The following GRXCR1 variants were observed in gnomAD, a reference collection of about 807,000 sequenced individuals.
The protein encoded by GRXCR1 is glutaredoxin domain-containing cysteine-rich protein 1.
A neutral mutation model predicts 27.3 loss-of-function variants in GRXCR1; 27 were observed. That is an observed-to-expected ratio of 0.99 (90% CI 0.73 to 1.37). GRXCR1 has a LOEUF of 1.37. Ranked by LOEUF, GRXCR1 falls within the 40% of genes most tolerant of loss-of-function variation. The pLI, the probability that GRXCR1 is intolerant of heterozygous loss-of-function variation, is 0.00. For missense variants in GRXCR1, 379 were observed against 354.4 expected, an observed-to-expected ratio of 1.07 and a Z score of -0.56; for synonymous variants, 122 against 131.1, an observed-to-expected ratio of 0.93 and a Z score of 0.47.
chr4:42,976,572 T>G (rs1268849529), intron 2 of GRXCR1, among the ~76,000 whole-genome samples: 1 of 151,962 alleles, frequency 6.6e-6, no homozygotes, highest in Non-Finnish European at 1.5e-5. Flanking sequence ...AAATACAACT[T>G]TAGTGTACAC....
intron 1 of GRXCR1, 78 bp from the exon 2 acceptor site, chr4:42,962,814 A>G: frequency 6.4e-7 from 1 of 1,554,152 alleles, no homozygotes; most frequent in Non-Finnish European, 8.9e-7. Context: ...GCTTTAACGC[A>G]ATTTTTAATT....
intron 1 of GRXCR1, among the ~76,000 whole-genome samples, chr4:42,901,487 A>T (rs1471946000): frequency 6.6e-6 from 1 of 152,064 alleles, no homozygotes; most frequent in Non-Finnish European, 1.5e-5. Flanking sequence ...TTCCACTATT[A>T]CATCTTCTCT....
At chr4:42,903,150 G>GTGAGAGCTTATGAGAACTGAAACAGA (rs1577898607) in intron 1 of GRXCR1, among the ~76,000 whole-genome samples, 3 of 149,716 alleles carry the variant, frequency 2.0e-5, no homozygotes, top group East Asian at 2.2e-4. Flanking sequence ...TAAACAGCTG[G>GTGAGAGCTTATGAGAACTGAAACAGA]CTTTATAGTA....
chr4:42,906,382 C>T (rs1261382925), intron 1 of GRXCR1, among the ~76,000 whole-genome samples: 1 of 152,162 alleles, frequency 6.6e-6, no homozygotes, highest in African/African-American at 2.4e-5. Context: ...TTATTTTTCT[C>T]TGCTGCTTGC....
At chr4:42,996,962 C>G (rs1420194115) in intron 2 of GRXCR1, among the ~76,000 whole-genome samples, 1 of 152,124 alleles carries the variant, frequency 6.6e-6, no homozygotes, top group East Asian at 1.9e-4. Flanking sequence ...ACTCTATGTT[C>G]TACTTCCTGA....
chr4:42,940,246 C>G (rs1445999735), intron 1 of GRXCR1, among the ~76,000 whole-genome samples: 1 of 152,036 alleles, frequency 6.6e-6, no homozygotes, highest in African/African-American at 2.4e-5. Flanking sequence ...CACTTTGCCT[C>G]CAGCAGCTTA....
chr4:42,896,102 A>C (rs1374684793), intron 1 of GRXCR1, among the ~76,000 whole-genome samples: 1 of 152,138 alleles, frequency 6.6e-6, no homozygotes, highest in Non-Finnish European at 1.5e-5. Context: ...CTTAAACGTG[A>C]AAGAAAACCC....
chr4:42,893,214 C>T lies in GRXCR1; in HGVS notation c.-53C>T. 1 of 1,604,372 alleles carries T rather than the reference C, an allele frequency of 6.2e-7. No individual in the cohort carries two copies. The highest frequency in any genetic ancestry group is 1.1e-5 in the South Asian group (1 of 90,724). On this transcript the variant is annotated 5_prime_UTR_variant, in exon 1 of 4. Transcript: ENST00000399770. ...TTGCTATCTGGCAAGTGGACTAGTG[C>T]AGTAACAACGGGTCCAGAATGCTGT...
intron 1 of GRXCR1, among the ~76,000 whole-genome samples, chr4:42,942,287 A>G (rs1747643140): frequency 1.3e-5 from 2 of 152,120 alleles, no homozygotes; most frequent in South Asian, 4.1e-4. Context: ...TTTAAAAATC[A>G]GATGAGTATT....
chr4:43,001,515 T>C (rs1425129590), intron 2 of GRXCR1, among the ~76,000 whole-genome samples: 1 of 152,192 alleles, frequency 6.6e-6, no homozygotes, highest in Admixed American at 6.5e-5. Flanking sequence ...TATGTGGTGT[T>C]TTCCCGGGGA....
chr4:42,909,480 A>C (rs1391953290), intron 1 of GRXCR1, among the ~76,000 whole-genome samples: 1 of 152,124 alleles, frequency 6.6e-6, no homozygotes, highest in South Asian at 2.1e-4. Flanking sequence ...AACACAAAAC[A>C]AACTCTTCAT....
At chr4:42,914,719 CA>C (rs1318852648) in intron 1 of GRXCR1, among the ~76,000 whole-genome samples, 2 of 152,076 alleles carry the variant, frequency 1.3e-5, no homozygotes, top group Non-Finnish European at 1.5e-5. Flanking sequence ...TGTCCCCACC[CA>C]ACTCCCACCT....
At chr4:42,934,639 G>A (rs1244120128) in intron 1 of GRXCR1, among the ~76,000 whole-genome samples, 1 of 151,798 alleles carries the variant, frequency 6.6e-6, no homozygotes, top group Non-Finnish European at 1.5e-5. Context: ...TTTTTAAAAC[G>A]TTGACTTCTA....
intron 1 of GRXCR1, among the ~76,000 whole-genome samples, chr4:42,945,065 C>T (rs1048709485): frequency 2.0e-5 from 3 of 152,168 alleles, no homozygotes; most frequent in Admixed American, 6.6e-5. Context: ...ATGAGATTAG[C>T]GCTCTTATAA....
At chr4:42,950,527 T>A (rs1010259942) in intron 1 of GRXCR1, among the ~76,000 whole-genome samples, 2 of 152,182 alleles carry the variant, frequency 1.3e-5, no homozygotes, top group African/African-American at 4.8e-5. Context: ...GCCAAGATAT[T>A]CATATTACAA....
intron 1 of GRXCR1, among the ~76,000 whole-genome samples, chr4:42,920,811 TC>T (rs1746991517): frequency 6.6e-6 from 1 of 152,148 alleles, no homozygotes; most frequent in Non-Finnish European, 1.5e-5. Flanking sequence ...TCTGATTAAA[TC>T]CTTATGATAG....
intron 2 of GRXCR1, among the ~76,000 whole-genome samples, chr4:42,998,537 TAAACATTGTCAAAATGGC>T (rs1712249707): frequency 6.6e-6 from 1 of 152,236 alleles, no homozygotes; most frequent in Non-Finnish European, 1.5e-5. Context: ...AATGATTGAC[TAAACATTGTCAAAATGGC>T]CAGGCTTGTA....
At chr4:42,938,840 G>T (rs974333514) in intron 1 of GRXCR1, among the ~76,000 whole-genome samples, 1 of 150,402 alleles carries the variant, frequency 6.6e-6, no homozygotes, top group Non-Finnish European at 1.5e-5. Flanking sequence ...TCTGGGTTCT[G>T]TATTCTGTTC....
intron 1 of GRXCR1, among the ~76,000 whole-genome samples, chr4:42,952,735 G>A (rs1747914376): frequency 6.6e-6 from 1 of 152,138 alleles, no homozygotes; most frequent in African/African-American, 2.4e-5. Flanking sequence ...CCCAAAGAAA[G>A]AATATTCCAA....
Sources: allele counts gnomAD v4.1 joint callset (sites outside exome capture counted in the v4.1 genomes callset), GRCh38; gene constraint gnomAD v4.1.1; transcripts MANE v1.5; gene names NCBI Gene and HGNC (gene_info 2026-07-23, HGNC 2026-07-21).